PPHLN1: variants seen among roughly 807,000 people sequenced by gnomAD.
PPHLN1 encodes the protein periphilin-1.
PPHLN1 carries 29 observed loss-of-function variants against 51.3 expected under a neutral mutation model. The ratio of observed to expected loss-of-function variants is 0.57; its 90% confidence interval spans 0.42 to 0.77. The LOEUF (loss-of-function observed/expected upper bound fraction) is 0.77. PPHLN1 is among the 30% of genes least tolerant of loss of function. The pLI is 0.00. For synonymous variants in PPHLN1, 147 were observed against 147.8 expected (o/e 0.99, Z 0.04); for missense variants, 436 against 438.4 (o/e 0.99, Z 0.05).
rs199658531 is a variant in PPHLN1 at position 42,352,412 on chromosome 12, A to AT, written c.237+378dup. On this transcript the variant is annotated intron_variant, in intron 3 of 9. Transcript: ENST00000358314. ...CATTTCTTACTAGATAACCCACTTA[A>AT]TTTTTTTTTTTTTTTGAGACAGAGT... is the stretch of plus-strand genomic sequence containing the variant. 6.2e-3 allele frequency among the ~76,000 whole-genome samples: 881 copies of AT among 141,854 alleles called. 2 individuals are homozygous for AT. Among genetic ancestry groups the AT allele is most frequent in the African/African-American group, 0.016 (625 of 38,748 alleles). The allele number at this position is 141,854 out of a possible 152,430, so 93.1% of individuals were successfully genotyped here.
At chr12:42,410,361 A>G (rs2079698592) in intron 9 of PPHLN1, among the ~76,000 whole-genome samples, 2 of 152,156 alleles carry the variant, frequency 1.3e-5, no homozygotes, top group African/African-American at 4.8e-5. Flanking sequence ...ATATATTCTT[A>G]TTCACTGAAT....
Position 42,363,507 on chromosome 12 carries a change from C to T in PPHLN1, c.299+8285C>T, listed in dbSNP as rs572505892. On this transcript the variant is annotated intron_variant, in intron 4 of 9. Coordinates refer to ENST00000358314, the MANE Select transcript of PPHLN1 (RefSeq NM_201439.2). The stretch of plus-strand genomic sequence containing the variant: ...GAACATACTTTATAAATCTAGTATA[C>T]GTGTATTAGTGGTTTATATTCAAAT... Among the ~76,000 whole-genome samples the T allele has an allele frequency of 1.8e-4, 27 of 150,798 alleles. No individual in the cohort carries two copies. In the South Asian group the frequency reaches 2.5e-3, roughly 14 times the overall value.
intron 9 of PPHLN1, among the ~76,000 whole-genome samples, chr12:42,434,940 G>A (rs1669888): frequency 0.28 from 42,870 of 152,124 alleles, 7,417 homozygotes; most frequent in Non-Finnish European, 0.38. Context: ...CAATCTGCCC[G>A]CCCTGGCCTC....
At chr12:42,440,604 A>C (rs771543829) in intron 9 of PPHLN1, among the ~76,000 whole-genome samples, 1 of 152,208 alleles carries the variant, frequency 6.6e-6, no homozygotes, top group Non-Finnish European at 1.5e-5. Flanking sequence ...GTTTCACTGG[A>C]CCCAAATCAG....
At chr12:42,351,129 T>C (rs538035982) in intron 2 of PPHLN1, among the ~76,000 whole-genome samples, 1 of 152,328 alleles carries the variant, frequency 6.6e-6, no homozygotes, top group African/African-American at 2.4e-5. Context: ...TATTGATTGA[T>C]GTGTCATGAA....
intron 2 of PPHLN1, 60 bp from the exon 3 acceptor site, chr12:42,351,825 C>T (rs531435648): frequency 7.0e-7 from 1 of 1,430,728 alleles, no homozygotes; most frequent in Non-Finnish European, 9.3e-7. Context: ...TTTTAAAAAC[C>T]TTTCCAAAAC....
intron 4 of PPHLN1, among the ~76,000 whole-genome samples, chr12:42,363,041 A>G (rs2074871433): frequency 1.3e-5 from 2 of 152,162 alleles, no homozygotes; most frequent in South Asian, 2.1e-4. Context: ...GGCTTATATC[A>G]TGTTACCCCT....
intron 9 of PPHLN1, among the ~76,000 whole-genome samples, chr12:42,421,353 G>A (rs945285003): frequency 6.6e-6 from 1 of 151,992 alleles, no homozygotes; most frequent in African/African-American, 2.4e-5. Flanking sequence ...TTGATTGATT[G>A]ATTGATTGAT....
chr12:42,372,911 C>T (rs17091117), intron 4 of PPHLN1, among the ~76,000 whole-genome samples: 11,207 of 152,178 alleles, frequency 0.074, 432 homozygotes, highest in Admixed American at 0.094. Flanking sequence ...GCTTGGCATC[C>T]CGTCTTTCAC....
intron 2 of PPHLN1, among the ~76,000 whole-genome samples, chr12:42,347,742 C>G (rs10880292): frequency 6.6e-6 from 1 of 152,016 alleles, no homozygotes; most frequent in African/African-American, 2.4e-5. Flanking sequence ...ATTGCACCAC[C>G]GCACTGTAGC....
chr12:42,383,663 G>A (rs530355235), intron 5 of PPHLN1, among the ~76,000 whole-genome samples: 3 of 152,200 alleles, frequency 2.0e-5, no homozygotes, highest in Non-Finnish European at 2.9e-5. Context: ...TCCATCATGA[G>A]GCTCTGAGCA....
chr12:42,375,426 C>A (rs191720813), intron 5 of PPHLN1: 10 of 170,996 alleles, frequency 5.8e-5, no homozygotes, highest in Admixed American at 4.1e-4. Context: ...ATTCTCCTGC[C>A]CCAGCATCCT....
intron 8 of PPHLN1, among the ~76,000 whole-genome samples, chr12:42,393,940 G>A (rs116866549): frequency 9.2e-5 from 14 of 151,990 alleles, no homozygotes; most frequent in South Asian, 8.3e-4. Flanking sequence ...AGAAAAATGC[G>A]TTATTTATAT....
At chr12:42,437,878 T>C (rs1313460928) in intron 9 of PPHLN1, among the ~76,000 whole-genome samples, 1 of 152,212 alleles carries the variant, frequency 6.6e-6, no homozygotes, top group Non-Finnish European at 1.5e-5. Flanking sequence ...ATGATCTCTT[T>C]AGTGTCTATG....
At chr12:42,435,332 T>C (rs1319868859) in intron 9 of PPHLN1, among the ~76,000 whole-genome samples, 1 of 152,234 alleles carries the variant, frequency 6.6e-6, no homozygotes, top group African/African-American at 2.4e-5. Flanking sequence ...ACATATTGAA[T>C]GTAGGCACTA....
chr12:42,390,481 T>C (rs1194926303), intron 7 of PPHLN1, among the ~76,000 whole-genome samples: 1 of 152,064 alleles, frequency 6.6e-6, no homozygotes, highest in Admixed American at 6.6e-5. Flanking sequence ...GAATATAAGT[T>C]ACAACATAGA....
chr12:42,329,426 A>G (rs2069354597), intron 1 of PPHLN1, among the ~76,000 whole-genome samples: 1 of 152,142 alleles, frequency 6.6e-6, no homozygotes, highest in South Asian at 2.1e-4. Flanking sequence ...ATATTTTCTA[A>G]TAGAAACATT....
intron 9 of PPHLN1, among the ~76,000 whole-genome samples, chr12:42,407,712 C>T (rs1402785965): frequency 6.6e-6 from 1 of 152,172 alleles, no homozygotes; most frequent in African/African-American, 2.4e-5. Flanking sequence ...CACACATCCT[C>T]CTGTATACTT....
chr12:42,390,590 A>G (rs969694658), intron 7 of PPHLN1, among the ~76,000 whole-genome samples: 1 of 152,042 alleles, frequency 6.6e-6, no homozygotes, highest in African/African-American at 2.4e-5. Context: ...CTTGATCTAC[A>G]TGCAACTGTG....
Sources: allele counts gnomAD v4.1 joint callset (sites outside exome capture counted in the v4.1 genomes callset), GRCh38; gene constraint gnomAD v4.1.1; transcripts MANE v1.5; gene names NCBI Gene and HGNC (gene_info 2026-07-23, HGNC 2026-07-21).